ZPBP: variants seen among roughly 807,000 people sequenced by gnomAD.
The protein encoded by ZPBP is zona pellucida binding protein, also known as zona pellucida-binding protein 1.
A neutral mutation model predicts 44.8 loss-of-function variants in ZPBP; 26 were observed. The ratio of observed to expected loss-of-function variants is 0.58; its 90% CI spans 0.43 to 0.81. The LOEUF is 0.81. Ranked by LOEUF, ZPBP falls within the 30% of genes least tolerant of loss-of-function variation. The probability of loss-of-function intolerance (pLI) is 0.00; values close to 1 mark genes in which losing one functional copy is unlikely to be tolerated. For missense variants in ZPBP, 409 were observed against 434.0 expected (o/e 0.94, Z 0.51); for synonymous variants, 174 against 153.2 (o/e 1.14, Z -1.00).
chr7:50,000,711 T>C (rs996623974), intron 6 of ZPBP, among the ~76,000 whole-genome samples: 1 of 152,162 alleles, frequency 6.6e-6, no homozygotes, highest in Non-Finnish European at 1.5e-5. Flanking sequence ...CTCAGCATTA[T>C]AGTATTTTGT....
At chr7:49,924,615 T>A (rs1010373961) in intron 1 of ZPBP, among the ~76,000 whole-genome samples, 2 of 152,078 alleles carry the variant, frequency 1.3e-5, no homozygotes, top group Admixed American at 6.6e-5. Flanking sequence ...GGAGAAGTCA[T>A]AATAGAATGG....
intron 6 of ZPBP, among the ~76,000 whole-genome samples, chr7:49,996,214 A>C (rs1240167133): frequency 6.6e-6 from 1 of 152,148 alleles, no homozygotes; most frequent in African/African-American, 2.4e-5. Context: ...TTCTCACCAT[A>C]ATAGCCCTCA....
At chr7:50,055,359 A>C (rs1221544574) in intron 4 of ZPBP, among the ~76,000 whole-genome samples, 1 of 152,208 alleles carries the variant, frequency 6.6e-6, no homozygotes, top group African/African-American at 2.4e-5. Context: ...ATAAAATAGA[A>C]TCAATTGCAT....
At chr7:49,963,154 T>C (rs1370886660) in intron 7 of ZPBP, among the ~76,000 whole-genome samples, 1 of 96,128 alleles carries the variant, frequency 1.0e-5, no homozygotes, top group East Asian at 3.8e-4. Context: ...TACTATACTC[T>C]TATTAGGATG....
chr7:49,889,159 A>G (rs955897271), intron 2 of ZPBP, among the ~76,000 whole-genome samples: 34 of 152,334 alleles, frequency 2.2e-4, no homozygotes, highest in African/African-American at 7.7e-4. Context: ...TCTGAGTCAC[A>G]TCACATTCAC....
intron 7 of ZPBP, among the ~76,000 whole-genome samples, chr7:49,982,638 T>C (rs954389320): frequency 6.6e-6 from 1 of 151,622 alleles, no homozygotes; most frequent in African/African-American, 2.4e-5. Context: ...TTTTTTCCTT[T>C]ATAAACTATC....
chr7:50,003,228 G>A (rs1465892073), intron 6 of ZPBP, among the ~76,000 whole-genome samples: 1 of 152,104 alleles, frequency 6.6e-6, no homozygotes, highest in African/African-American at 2.4e-5. Flanking sequence ...CAGCAGACTA[G>A]GAAGTTTCAT....
intron 2 of ZPBP, among the ~76,000 whole-genome samples, chr7:49,876,554 T>C (rs1174239314): frequency 6.6e-6 from 1 of 152,194 alleles, no homozygotes; most frequent in African/African-American, 2.4e-5. Flanking sequence ...TCATATTTAA[T>C]TTAGTACTTC....
intron 2 of ZPBP, among the ~76,000 whole-genome samples, chr7:49,865,957 C>A (rs945252939): frequency 1.3e-5 from 2 of 152,240 alleles, no homozygotes; most frequent in African/African-American, 4.8e-5. Context: ...TCGGCACCAT[C>A]TTAAATTGCT....
chr7:49,937,497 A>T lies in ZPBP; in HGVS notation c.*31T>A. ...TATTTCAAATATATACTTTGCATTT[A>T]ATAAACCACTGAATAACTGAAGATA... On this transcript the variant is annotated 3_prime_UTR_variant, in exon 8 of 8. Coordinates refer to ENST00000046087, the MANE Select transcript of ZPBP (RefSeq NM_007009.3). 6 of 1,493,258 alleles carry T rather than the reference A, an allele frequency of 4.0e-6. No individual in the cohort carries two copies. Among genetic ancestry groups the T allele is most frequent in the Non-Finnish European group, 5.6e-6 (6 of 1,070,162 alleles). 92.5% of individuals were successfully genotyped at this position (1,493,258 alleles called of 1,614,324 possible). A position where few individuals can be genotyped will look rare whatever the true frequency, so the allele number is the denominator to read the frequency against.
intron 6 of ZPBP, among the ~76,000 whole-genome samples, chr7:50,011,331 A>C (rs951862062): frequency 6.6e-6 from 1 of 152,082 alleles, no homozygotes; most frequent in Non-Finnish European, 1.5e-5. Flanking sequence ...TGAATGCAAA[A>C]GCAAATGCAA....
intron 3 of ZPBP, among the ~76,000 whole-genome samples, chr7:50,064,144 G>T (rs921469876): frequency 3.3e-5 from 5 of 152,168 alleles, no homozygotes; most frequent in Non-Finnish European, 7.3e-5. Flanking sequence ...GGCATCCGGG[G>T]GAGACATCAC....
intron 2 of ZPBP, among the ~76,000 whole-genome samples, 173 bp downstream of exon 2, chr7:50,089,456 T>C (rs1454208351): frequency 1.3e-5 from 2 of 152,092 alleles, no homozygotes; most frequent in African/African-American, 4.8e-5. Flanking sequence ...GCATATAGTA[T>C]TAGAACTGGA....
At chr7:49,959,763 A>G (rs1166862185) in intron 7 of ZPBP, among the ~76,000 whole-genome samples, 1 of 152,176 alleles carries the variant, frequency 6.6e-6, no homozygotes, top group Non-Finnish European at 1.5e-5. Context: ...AAATGCATAC[A>G]ATAATTCAAA....
intron 7 of ZPBP, among the ~76,000 whole-genome samples, chr7:49,940,146 C>G (rs1794809775): frequency 6.6e-6 from 1 of 152,126 alleles, no homozygotes; most frequent in Non-Finnish European, 1.5e-5. Flanking sequence ...TCTCTTTGTT[C>G]TCTGCAGTGC....
the ZPBP span, among the ~76,000 whole-genome samples, chr7:49,844,980 G>A: frequency 6.6e-6 from 1 of 152,152 alleles, no homozygotes; most frequent in Non-Finnish European, 1.5e-5. Context: ...ACCGCACCCG[G>A]CCGGCAATTC....
At chr7:50,061,311 G>C (rs117813069) in intron 3 of ZPBP, among the ~76,000 whole-genome samples, 1 of 152,128 alleles carries the variant, frequency 6.6e-6, no homozygotes, top group Non-Finnish European at 1.5e-5. Context: ...GTTCAAACCA[G>C]GGCATCAGGC....
the ZPBP span, among the ~76,000 whole-genome samples, chr7:49,844,717 A>C: frequency 6.6e-6 from 1 of 151,770 alleles, no homozygotes; most frequent in African/African-American, 2.4e-5. Flanking sequence ...TTTGAGACGG[A>C]GTTTGGCTCT....
At chr7:50,042,913 C>G (rs1425600047) in intron 4 of ZPBP, among the ~76,000 whole-genome samples, 1 of 152,056 alleles carries the variant, frequency 6.6e-6, no homozygotes, top group Non-Finnish European at 1.5e-5. Context: ...GAACAAACCC[C>G]CAAATCTGGT....
Sources: allele counts gnomAD v4.1 joint callset (sites outside exome capture counted in the v4.1 genomes callset), GRCh38; gene constraint gnomAD v4.1.1; transcripts MANE v1.5; gene names NCBI Gene and HGNC (gene_info 2026-07-23, HGNC 2026-07-21).